ZCCHC7: variants seen among roughly 807,000 people sequenced by gnomAD.
ZCCHC7 encodes the protein zinc finger CCHC domain-containing protein 7.
A neutral mutation model predicts 52.0 loss-of-function variants in ZCCHC7; 35 were observed. The ratio of observed to expected loss-of-function variants is 0.67; its 90% CI spans 0.51 to 0.89. The LOEUF is 0.89. Ranked by LOEUF, ZCCHC7 falls within the 40% of genes least tolerant of loss-of-function variation. ZCCHC7 has a pLI of 0.00. For missense variants in ZCCHC7, 574 were observed against 649.1 expected, an observed-to-expected ratio of 0.88 and a Z score of 1.26; for synonymous variants, 217 against 221.5, an observed-to-expected ratio of 0.98 and a Z score of 0.18.
rs769764801 is a variant in ZCCHC7 at position 37,349,370 on chromosome 9, C to T, written c.1001C>T (p.Pro334Leu). ...RQYHLTTKPG[P>L]PKKPKTPSRP... The stretch of plus-strand genomic sequence containing the variant: ...TTCATGTTGCAGACCAAACCTGGAC[C>T]ACCCAAAAAGCCGAAGACCCCTTCA... The change falls in exon 7 of 9, where the codon CCA becomes CTA. Residue 334 changes from proline to leucine, a missense_variant. Pro to Leu is a moderately conservative substitution (Grantham distance 98). Transcript: ENST00000336755. 1.2e-6 allele frequency: 2 copies of T among 1,613,942 alleles called. No homozygotes were observed. The highest frequency in any genetic ancestry group is 8.5e-7 in the Non-Finnish European group (1 of 1,179,928).
At chr9:37,165,377 C>T (rs533593785) in intron 2 of ZCCHC7, among the ~76,000 whole-genome samples, 69 of 151,774 alleles carry the variant, frequency 4.5e-4, no homozygotes, top group Non-Finnish European at 9.3e-4. Context: ...CGAGAGTGAA[C>T]ATCCTTGTCT....
intron 6 of ZCCHC7, among the ~76,000 whole-genome samples, chr9:37,339,588 T>A: frequency 6.6e-6 from 1 of 152,146 alleles, no homozygotes; most frequent in East Asian, 1.9e-4. Flanking sequence ...ATTGAAGAGG[T>A]GCCTAGGCAC....
At chr9:37,272,918 A>T (rs1344263899) in intron 2 of ZCCHC7, among the ~76,000 whole-genome samples, 2 of 152,110 alleles carry the variant, frequency 1.3e-5, no homozygotes, top group Non-Finnish European at 1.5e-5. Context: ...TCTCTTACTG[A>T]TGGACATTTA....
intron 2 of ZCCHC7, chr9:37,186,795 TGGG>T (rs1243452846): frequency 8.8e-6 from 4 of 456,450 alleles, no homozygotes; most frequent in African/African-American, 8.0e-5. Context: ...AATTAATACA[TGGG>T]GGATGATTTT....
intron 2 of ZCCHC7, among the ~76,000 whole-genome samples, chr9:37,301,799 A>C (rs1829042461): frequency 6.6e-6 from 1 of 152,172 alleles, no homozygotes; most frequent in Admixed American, 6.5e-5. Context: ...TGCTTTAGTC[A>C]GATAAAAGAA....
At chr9:37,228,717 A>G (rs1423062972) in intron 2 of ZCCHC7, among the ~76,000 whole-genome samples, 1 of 151,802 alleles carries the variant, frequency 6.6e-6, no homozygotes, top group Admixed American at 6.6e-5. Context: ...GAAAATATGA[A>G]TTTTTATATG....
At chr9:37,123,908 G>A (rs1842429960) in intron 1 of ZCCHC7, among the ~76,000 whole-genome samples, 1 of 152,172 alleles carries the variant, frequency 6.6e-6, no homozygotes, top group South Asian at 2.1e-4. Context: ...ATAGCCACCT[G>A]AAGGACAGTG....
At chr9:37,125,707 G>C (rs769405621) in intron 1 of ZCCHC7, among the ~76,000 whole-genome samples, 1 of 152,206 alleles carries the variant, frequency 6.6e-6, no homozygotes, top group Non-Finnish European at 1.5e-5. Flanking sequence ...GGAAAGCAAG[G>C]GTTTTGTATC....
intron 2 of ZCCHC7, among the ~76,000 whole-genome samples, chr9:37,157,618 T>TA (rs1820885280): frequency 6.6e-6 from 1 of 152,114 alleles, no homozygotes; most frequent in African/African-American, 2.4e-5. Flanking sequence ...GTAACCCAAT[T>TA]AAAAAATGGG....
chr9:37,306,327 C>T (rs1307415693), intron 5 of ZCCHC7, among the ~76,000 whole-genome samples: 1 of 152,066 alleles, frequency 6.6e-6, no homozygotes, highest in Non-Finnish European at 1.5e-5. Flanking sequence ...CCTCAGCCTC[C>T]TAAAGTGCTG....
intron 2 of ZCCHC7, among the ~76,000 whole-genome samples, chr9:37,275,208 T>G (rs1476428593): frequency 6.6e-6 from 1 of 152,190 alleles, no homozygotes; most frequent in Non-Finnish European, 1.5e-5. Context: ...AGTAACCTTC[T>G]CCTTCTCCCA....
At chr9:37,161,928 A>G (rs557116859) in intron 2 of ZCCHC7, among the ~76,000 whole-genome samples, 2 of 152,282 alleles carry the variant, frequency 1.3e-5, no homozygotes, top group South Asian at 4.2e-4. Flanking sequence ...CTTGAGCCCA[A>G]GAGTTTGAGA....
At chr9:37,213,253 A>G (rs138136883) in intron 2 of ZCCHC7, among the ~76,000 whole-genome samples, 144 of 152,276 alleles carry the variant, frequency 9.5e-4, no homozygotes, top group African/African-American at 3.3e-3. Context: ...TTTGAAGATA[A>G]TGTAATTACT....
chr9:37,249,640 T>C (rs1234132682), intron 2 of ZCCHC7, among the ~76,000 whole-genome samples: 1 of 151,844 alleles, frequency 6.6e-6, no homozygotes, highest in African/African-American at 2.4e-5. Context: ...TTAGTAGAGA[T>C]GGGGTTCACC....
chr9:37,202,545 A>G (rs895513722), intron 2 of ZCCHC7, among the ~76,000 whole-genome samples: 3 of 152,212 alleles, frequency 2.0e-5, no homozygotes, highest in Admixed American at 6.5e-5. Flanking sequence ...TCTGTTGCCC[A>G]GGTGGAGCTT....
At chr9:37,194,030 T>C (rs1823155757) in intron 2 of ZCCHC7, among the ~76,000 whole-genome samples, 1 of 152,190 alleles carries the variant, frequency 6.6e-6, no homozygotes, top group Non-Finnish European at 1.5e-5. Flanking sequence ...GCTGATGTTC[T>C]TTGAACTCCT....
At chr9:37,335,767 T>G (rs897775329) in intron 6 of ZCCHC7, among the ~76,000 whole-genome samples, 9 of 152,190 alleles carry the variant, frequency 5.9e-5, no homozygotes, top group Admixed American at 2.6e-4. Flanking sequence ...TTACCTCAGT[T>G]TTCATTTTCT....
At chr9:37,292,948 G>A (rs1588624486) in intron 2 of ZCCHC7, among the ~76,000 whole-genome samples, 1 of 152,114 alleles carries the variant, frequency 6.6e-6, no homozygotes. Context: ...GGCTTGGAAA[G>A]ACATTTTAAA....
intron 2 of ZCCHC7, among the ~76,000 whole-genome samples, chr9:37,275,628 A>G (rs1328117037): frequency 1.3e-5 from 2 of 151,986 alleles, no homozygotes; most frequent in East Asian, 1.9e-4. Flanking sequence ...ATGGAATGGC[A>G]GACTCTTTTT....
Sources: gnomAD v4.1 joint callset for allele counts (sites outside exome capture counted in the v4.1 genomes callset) on GRCh38, gnomAD v4.1.1 for gene constraint, MANE v1.5 for transcripts, NCBI Gene and HGNC (gene_info 2026-07-23, HGNC 2026-07-21) for gene names.